The following BRWD1 variants were observed in gnomAD, a reference collection of about 807,000 sequenced individuals.
BRWD1 encodes bromodomain and WD repeat domain containing 1.
BRWD1 carries 82 observed loss-of-function variants against 251.2 expected under a neutral mutation model. That is an observed-to-expected ratio of 0.33 (90% CI 0.27 to 0.39). BRWD1 has a LOEUF of 0.39. Among genes scored for constraint, BRWD1 ranks in the 10% least tolerant of loss-of-function variants. BRWD1 has a pLI of 1.00. For synonymous variants in BRWD1, 918 were observed against 902.8 expected (o/e 1.02, Z -0.30); for missense variants, 2,233 against 2,711.6 (o/e 0.82, Z 3.92).
intron 38 of BRWD1, 117 bp downstream of exon 38, chr21:39,202,208 G>C (rs1009051260): frequency 7.6e-6 from 5 of 656,750 alleles, no homozygotes; most frequent in African/African-American, 5.4e-5. Context: ...CCATTAAACT[G>C]TAAGTTCTTT....
At chr21:39,251,400 TAA>T (rs1391378071) in intron 19 of BRWD1, among the ~76,000 whole-genome samples, 2 of 152,222 alleles carry the variant, frequency 1.3e-5, no homozygotes, top group Non-Finnish European at 2.9e-5. Context: ...AAGAAGGTAC[TAA>T]AAATCATTTT....
At chr21:39,292,005 G>C (rs1278949433) in intron 8 of BRWD1, among the ~76,000 whole-genome samples, 2 of 151,810 alleles carry the variant, frequency 1.3e-5, no homozygotes, top group Non-Finnish European at 2.9e-5. Context: ...GGAATGCACT[G>C]GTGCGATAAC....
At chr21:39,223,540 C>A (rs963850273) in intron 29 of BRWD1, among the ~76,000 whole-genome samples, 1 of 152,032 alleles carries the variant, frequency 6.6e-6, no homozygotes, top group African/African-American at 2.4e-5. Context: ...TTCATGAAGT[C>A]AAATGTAAGG....
intron 8 of BRWD1, among the ~76,000 whole-genome samples, chr21:39,289,865 A>T (rs926653693): frequency 1.7e-4 from 26 of 151,832 alleles, no homozygotes; most frequent in African/African-American, 6.0e-4. Context: ...TCTACTAAAA[A>T]ATACAAAAAA....
chr21:39,197,123 A>G lies in BRWD1; in HGVS notation c.5946T>C (p.Ser1982=). 1 of 1,614,138 alleles carries G rather than the reference A, an allele frequency of 6.2e-7. No individual in the cohort carries two copies. Among genetic ancestry groups the G allele is most frequent in the Admixed American group, 1.7e-5 (1 of 60,022 alleles). The stretch of plus-strand genomic sequence containing the variant: ...GTTCACTTGGTACTTCACAATGTAC[A>G]CTTCCTTCACAATCACTCAATTTCT... ...AKKKLSDCEG[S]VHCEVPSEQY... is the part of the protein sequence containing the mutation. The change falls in exon 41 of 41, where the codon AGT becomes AGC. Residue 1982 remains serine, a synonymous_variant. Coordinates refer to ENST00000342449, the MANE Select transcript of BRWD1 (RefSeq NM_033656.4).
In BRWD1 at chr21:39,187,432, A is replaced by G; in HGVS notation, c.*8827T>C. ...AGGAACAAATTCTGAAAAATGAGTG[A>G]AAGTTCATGTAAATGCAAAAATCTT... On this transcript the variant is annotated 3_prime_UTR_variant, in exon 41 of 41. Transcript: ENST00000342449. 1 of 1,537,654 alleles carries G rather than the reference A, an allele frequency of 6.5e-7. No homozygotes were observed. The highest frequency in any genetic ancestry group is 8.7e-7 in the Non-Finnish European group (1 of 1,145,838).
chr21:39,261,348 G>T (rs2034738261), intron 17 of BRWD1, among the ~76,000 whole-genome samples: 1 of 152,174 alleles, frequency 6.6e-6, no homozygotes, highest in African/African-American at 2.4e-5. Context: ...ACAGAAAATA[G>T]TTCAAGTTCG....
At chr21:39,297,160 G>A in intron 5 of BRWD1, 1 of 985,386 alleles carries the variant, frequency 1.0e-6, no homozygotes, top group African/African-American at 1.7e-5. Context: ...GATAGCAGCA[G>A]AACATAGGTT....
intron 8 of BRWD1, among the ~76,000 whole-genome samples, chr21:39,282,643 C>T (rs1037496074): frequency 3.3e-5 from 5 of 152,026 alleles, no homozygotes; most frequent in East Asian, 1.9e-4. Context: ...GAGTAAAACT[C>T]GCAACCTTGC....
At chr21:39,306,424 A>G (rs2146791829) in intron 4 of BRWD1, among the ~76,000 whole-genome samples, 1 of 152,272 alleles carries the variant, frequency 6.6e-6, no homozygotes, top group Middle Eastern at 3.4e-3. Context: ...ATGTTATTTA[A>G]TTGTAATTTT....
intron 4 of BRWD1, among the ~76,000 whole-genome samples, chr21:39,299,035 C>T (rs746021368): frequency 3.9e-5 from 6 of 152,032 alleles, no homozygotes; most frequent in Non-Finnish European, 8.8e-5. Flanking sequence ...ACCAGCCTGA[C>T]CAACATGGTG....
rs908800732 is a variant in BRWD1 at position 39,197,396 on chromosome 21, A to G, written c.5673T>C (p.Asn1891=). Residue 1891 remains asparagine (N), a synonymous_variant, in exon 41 of 41, where the codon AAT becomes AAC. Coordinates refer to ENST00000342449, the MANE Select transcript of BRWD1 (RefSeq NM_033656.4). ...TCCTGGAAATTTTTCTGCTTAGTCC[A>G]TTGTCTTGTGATGCAGAATCTAAAA... The part of the protein sequence containing the change: ...NFMKDSASQD[N]GLSRKISRKR... 8.2e-6 allele frequency: 13 copies of G among 1,592,230 alleles called. No homozygotes were observed. Among genetic ancestry groups the G allele is most frequent in the Non-Finnish European group, 1.0e-5 (12 of 1,170,636 alleles).
intron 31 of BRWD1, among the ~76,000 whole-genome samples, chr21:39,216,153 G>C (rs575485685): frequency 1.3e-5 from 2 of 152,092 alleles, no homozygotes; most frequent in African/African-American, 4.8e-5. Context: ...ATTTCTTAAA[G>C]TAGTTGAATT....
chr21:39,266,740 G>A (rs1036892901), intron 15 of BRWD1, among the ~76,000 whole-genome samples: 2 of 152,136 alleles, frequency 1.3e-5, no homozygotes, highest in Non-Finnish European at 2.9e-5. Context: ...AGTTTATTAC[G>A]TATTCATGAA....
At chr21:39,245,702 C>T (rs2034164242) in intron 21 of BRWD1, among the ~76,000 whole-genome samples, 1 of 151,262 alleles carries the variant, frequency 6.6e-6, no homozygotes, top group Admixed American at 6.6e-5. Context: ...CGGGTTCAAG[C>T]TATTCTCCTG....
rs565381872 is a variant in BRWD1, at chr21:39,300,918, T to C, written c.199-2336A>G. 4.6e-5 allele frequency among the ~76,000 whole-genome samples: 7 copies of C among 152,172 alleles called. No homozygotes were observed. The East Asian group carries it at 5.8e-4, about 13-fold the overall frequency. ...GCTCAGAGAACCCAAGAAAAATAAA[T>C]GCAAAGAAAACCCACTTTGGGAGGC... On this transcript the variant is annotated intron_variant, in intron 4 of 40. Transcript: ENST00000342449.
At position 39,194,903 on chromosome 21, in the gene BRWD1, A is replaced by T. The variant is rs2031731894; in HGVS notation, c.*1356T>A. 1.3e-6 allele frequency: 2 copies of T among 1,521,402 alleles called. No individual in the cohort carries two copies. The highest frequency in any genetic ancestry group is 2.5e-5 in the East Asian group (1 of 40,804). The allele number at this position is 1,521,402 out of a possible 1,614,324, so 94.2% of individuals were successfully genotyped here. On this transcript the variant is annotated 3_prime_UTR_variant, in exon 41 of 41. Coordinates refer to ENST00000342449, the MANE Select transcript of BRWD1 (RefSeq NM_033656.4). ...CACAATTAGGGCTAATAAATAACTT[A>T]CAGGTGGGGTACTGTAACATATCCC...
chr21:39,245,357 A>G (rs1305994520), intron 21 of BRWD1, among the ~76,000 whole-genome samples: 1 of 152,120 alleles, frequency 6.6e-6, no homozygotes, highest in Admixed American at 6.5e-5. Flanking sequence ...TTCTCACCAC[A>G]CCTCTGAGGT....
At chr21:39,264,345 A>G in intron 17 of BRWD1, 115 bp downstream of exon 17, 1 of 700,584 alleles carries the variant, frequency 1.4e-6, no homozygotes. Flanking sequence ...ATAATAAAAC[A>G]AATATTGCAA....
Sources: allele counts gnomAD v4.1 joint callset (sites outside exome capture counted in the v4.1 genomes callset), GRCh38; gene constraint gnomAD v4.1.1; transcripts MANE v1.5; gene names NCBI Gene and HGNC (gene_info 2026-07-23, HGNC 2026-07-21).